The following ROS1 variants were observed in gnomAD, a reference collection of about 807,000 sequenced individuals.
The protein encoded by ROS1 is ROS proto-oncogene 1, receptor tyrosine kinase, also known as proto-oncogene tyrosine-protein kinase ROS.
ROS1 carries 263 observed loss-of-function variants against 273.5 expected under a neutral mutation model. That is an observed-to-expected ratio of 0.96 (90% CI 0.87 to 1.06). The LOEUF (loss-of-function observed/expected upper bound fraction) is 1.06, where lower values mean the gene tolerates loss of function less well. Among genes scored for constraint, ROS1 ranks in the 50% least tolerant of loss-of-function variants. The pLI, the probability that ROS1 is intolerant of heterozygous loss-of-function variation, is 0.00. For missense variants in ROS1, 2,833 were observed against 2,751.1 expected (o/e 1.03, Z -0.67); for synonymous variants, 1,008 against 954.1 (o/e 1.06, Z -1.04).
At chr6:117,383,683 C>T (rs1209209882) in intron 16 of ROS1, among the ~76,000 whole-genome samples, 175 bp from the exon 17 acceptor site, 3 of 152,320 alleles carry the variant, frequency 2.0e-5, no homozygotes, top group African/African-American at 7.2e-5. Flanking sequence ...CAGCAACAAG[C>T]AAACAGGCAT....
chr6:117,320,812 A>G (rs1220238116), intron 36 of ROS1, among the ~76,000 whole-genome samples: 1 of 152,170 alleles, frequency 6.6e-6, no homozygotes, highest in Non-Finnish European at 1.5e-5. Flanking sequence ...TATGACGGCA[A>G]CAAAAGTTCA....
intron 13 of ROS1, among the ~76,000 whole-genome samples, chr6:117,388,694 T>C (rs556082080): frequency 6.6e-6 from 1 of 152,334 alleles, no homozygotes; most frequent in African/African-American, 2.4e-5. Context: ...TAAAAATATT[T>C]ACTATCTGGT....
intron 42 of ROS1, among the ~76,000 whole-genome samples, chr6:117,306,610 C>A (rs910869493): frequency 1.3e-5 from 2 of 152,144 alleles, no homozygotes; most frequent in Non-Finnish European, 2.9e-5. Context: ...TATGGGCTCA[C>A]CTGACCTGGA....
At chr6:117,327,001 A>T (rs1032232950) in intron 33 of ROS1, among the ~76,000 whole-genome samples, 1 of 152,196 alleles carries the variant, frequency 6.6e-6, no homozygotes, top group Admixed American at 6.5e-5. Context: ...GGTTCAAAAG[A>T]CATAACTGGA....
intron 35 of ROS1, among the ~76,000 whole-genome samples, 174 bp from the exon 36 acceptor site, chr6:117,321,568 A>G (rs1236650042): frequency 6.6e-6 from 1 of 152,150 alleles, no homozygotes; most frequent in Non-Finnish European, 1.5e-5. Context: ...AATTAAATCC[A>G]GGTAAAAAGC....
chr6:117,392,006 AAAAG>A (rs1773107037), intron 12 of ROS1, among the ~76,000 whole-genome samples: 1 of 152,198 alleles, frequency 6.6e-6, no homozygotes, highest in African/African-American at 2.4e-5. Flanking sequence ...CTAATGGAAA[AAAAG>A]AGCCACTGAA....
intron 7 of ROS1, among the ~76,000 whole-genome samples, chr6:117,402,771 C>T (rs1774051671): frequency 6.6e-6 from 1 of 151,664 alleles, no homozygotes; most frequent in South Asian, 2.1e-4. Context: ...TGCCTGAGTC[C>T]CAGCTGCTTG....
chr6:117,358,798 C>A (rs1162803416), intron 24 of ROS1, among the ~76,000 whole-genome samples: 2 of 152,004 alleles, frequency 1.3e-5, no homozygotes, highest in South Asian at 4.1e-4. Context: ...TTGTCATCTC[C>A]TTTCTCACCT....
In ROS1 at chr6:117,329,462, G is replaced by A. The variant is rs763361449; in HGVS notation, c.5231-16C>T. The A allele has an allele frequency of 8.6e-7, 1 of 1,160,862 alleles. No homozygotes were observed. Among genetic ancestry groups the A allele is most frequent in the Non-Finnish European group, 1.3e-6 (1 of 773,002 alleles). The allele number at this position is 1,160,862 out of a possible 1,614,324, so 71.9% of individuals were successfully genotyped here. ...GGGACTCCAGCTTTAGGGAAAAAAAGAAAATATTGGTTGATATGTTTGAAG... is the reference window on the plus strand; with the variant it reads ...GGGACTCCAGCTTTAGGGAAAAAAAAAAAATATTGGTTGATATGTTTGAAG... On this transcript the variant is annotated splice_polypyrimidine_tract_variant and intron_variant, in intron 32 of 43. Coordinates refer to ENST00000368507, the MANE Select transcript of ROS1 (RefSeq NM_001378902.1).
At chr6:117,334,506 A>G (rs1231838909) in intron 32 of ROS1, among the ~76,000 whole-genome samples, 2 of 152,202 alleles carry the variant, frequency 1.3e-5, no homozygotes, top group Non-Finnish European at 2.9e-5. Context: ...TTTAAATTTC[A>G]CATAGAATCA....
intron 1 of ROS1, among the ~76,000 whole-genome samples, chr6:117,423,505 T>C (rs1775910692): frequency 6.6e-6 from 1 of 152,250 alleles, no homozygotes; most frequent in South Asian, 2.1e-4. Flanking sequence ...ATTAATTGTT[T>C]GTTGTTTTCT....
In ROS1 at chr6:117,406,238, A is replaced by G. The variant is rs1562375387; in HGVS notation, c.317-1810T>C. ...AATATATATGTTTATTTATTTATTT[A>G]TTATGTTATTAGCTATTTATTTAAT... On this transcript the variant is annotated intron_variant, in intron 5 of 43. Transcript: ENST00000368507. Among the ~76,000 whole-genome samples, 5 of 152,176 alleles carry G rather than the reference A, an allele frequency of 3.3e-5. No individual in the cohort carries two copies. In the South Asian group the frequency reaches 1.0e-3, roughly 32 times the overall value.
intron 18 of ROS1, among the ~76,000 whole-genome samples, chr6:117,368,775 C>T (rs1329095424): frequency 6.7e-6 from 1 of 150,060 alleles, no homozygotes; most frequent in African/African-American, 2.5e-5. Context: ...AATCTAAATA[C>T]AGATCAAATA....
chr6:117,298,130 C>T (rs1206594021), intron 43 of ROS1, among the ~76,000 whole-genome samples: 25 of 152,102 alleles, frequency 1.6e-4, no homozygotes, highest in Admixed American at 1.6e-3. Flanking sequence ...AAAGAAATAT[C>T]ACATGTTCTC....
chr6:117,364,463 G>A (rs1380077690), intron 21 of ROS1, among the ~76,000 whole-genome samples: 2 of 152,062 alleles, frequency 1.3e-5, no homozygotes, highest in Non-Finnish European at 1.5e-5. Context: ...TTTCTTTCTT[G>A]CATAATCAAG....
In ROS1 at chr6:117,417,271, C is replaced by T. The variant is rs143087465; in HGVS notation, c.169-954G>A. Among the ~76,000 whole-genome samples the T allele has an allele frequency of 3.0e-3, 452 of 152,222 alleles. 6 individuals carry two copies. Among genetic ancestry groups the T allele is most frequent in the South Asian group, 0.024 (116 of 4,824 alleles). ...CTCTTTCTCCTGTGTTTCCCATTAACGCGTTACATTCTCCTGAGTTGTCCA... is the reference window on the plus strand; with the variant it reads ...CTCTTTCTCCTGTGTTTCCCATTAATGCGTTACATTCTCCTGAGTTGTCCA... On this transcript the variant is annotated intron_variant, in intron 2 of 43. Coordinates refer to ENST00000368507, the MANE Select transcript of ROS1 (RefSeq NM_001378902.1).
At chr6:117,306,030 GTTTTT>G (rs78945275) in intron 42 of ROS1, among the ~76,000 whole-genome samples, 8 of 123,092 alleles carry the variant, frequency 6.5e-5, no homozygotes, top group Admixed American at 3.4e-4. Flanking sequence ...TTCTCCTCAA[GTTTTT>G]TTTTTTTTTT....
intron 31 of ROS1, among the ~76,000 whole-genome samples, chr6:117,339,637 G>A (rs1777765742): frequency 6.6e-6 from 1 of 152,112 alleles, no homozygotes; most frequent in African/African-American, 2.4e-5. Context: ...AGTATTTGTA[G>A]ATGGCCACTC....
intron 18 of ROS1, among the ~76,000 whole-genome samples, chr6:117,374,999 T>A (rs1418570003): frequency 1.3e-5 from 2 of 152,198 alleles, no homozygotes; most frequent in East Asian, 3.8e-4. Flanking sequence ...TACATGCACA[T>A]GCATGTTTAT....
Sources: gnomAD v4.1 joint callset for allele counts (sites outside exome capture counted in the v4.1 genomes callset) on GRCh38, gnomAD v4.1.1 for gene constraint, MANE v1.5 for transcripts, NCBI Gene and HGNC (gene_info 2026-07-23, HGNC 2026-07-21) for gene names.